The following TLN2 variants were observed in gnomAD, a reference collection of about 807,000 sequenced individuals.
TLN2 encodes the protein talin-2.
A neutral mutation model predicts 294.7 loss-of-function variants in TLN2; 118 were observed. The observed-to-expected ratio is 0.40, with a 90% CI of 0.34 to 0.47. The LOEUF is 0.47. Ranked by LOEUF, TLN2 falls within the 20% of genes least tolerant of loss-of-function variation. TLN2 has a pLI of 0.84. For synonymous variants in TLN2, 1,431 were observed against 1,304.5 expected (o/e 1.10, Z -2.09); for missense variants, 3,083 against 3,282.2 (o/e 0.94, Z 1.48).
chr15:62,443,134 T>G (rs962706524), intron 1 of TLN2, among the ~76,000 whole-genome samples: 2 of 152,226 alleles, frequency 1.3e-5, no homozygotes, highest in African/African-American at 4.8e-5. Flanking sequence ...GCAAAGTTCC[T>G]TTTGCCATGT....
At chr15:62,744,446 G>GTTT (rs2061503868) in intron 32 of TLN2, among the ~76,000 whole-genome samples, 1 of 130,764 alleles carries the variant, frequency 7.6e-6, no homozygotes. Context: ...CAGTCTTGCT[G>GTTT]TGTTGCTCAG....
intron 2 of TLN2, among the ~76,000 whole-genome samples, chr15:62,597,404 C>G (rs2046623599): frequency 6.6e-6 from 1 of 152,168 alleles, no homozygotes; most frequent in Non-Finnish European, 1.5e-5. Context: ...AAGTCCTCAC[C>G]CTTTTGCCCC....
At chr15:62,678,023 T>C (rs1440920506) in intron 11 of TLN2, among the ~76,000 whole-genome samples, 3 of 151,872 alleles carry the variant, frequency 2.0e-5, no homozygotes, top group Non-Finnish European at 2.9e-5. Flanking sequence ...TCGAACTCCC[T>C]ACCTCAGGTC....
chr15:62,587,034 T>G (rs1257139713), intron 1 of TLN2, among the ~76,000 whole-genome samples: 1 of 152,220 alleles, frequency 6.6e-6, no homozygotes, highest in African/African-American at 2.4e-5. Flanking sequence ...ACACACTCAC[T>G]CTAGCCAGCA....
chr15:62,461,467 A>G (rs1298738080), intron 1 of TLN2, among the ~76,000 whole-genome samples: 1 of 152,212 alleles, frequency 6.6e-6, no homozygotes, highest in Non-Finnish European at 1.5e-5. Flanking sequence ...GCTGTGATGT[A>G]TAGAGCAATA....
chr15:62,560,577 T>A (rs12592908), intron 1 of TLN2, among the ~76,000 whole-genome samples: 36,213 of 152,200 alleles, frequency 0.24, 4,675 homozygotes, highest in East Asian at 0.54. Context: ...TCCGCGCGCC[T>A]GGCCTCCCAA....
At chr15:62,745,909 TC>T (rs1411736133) in intron 32 of TLN2, among the ~76,000 whole-genome samples, 2 of 152,352 alleles carry the variant, frequency 1.3e-5, no homozygotes, top group African/African-American at 4.8e-5. Flanking sequence ...TAGTTCTGGA[TC>T]AGTATTACCC....
In TLN2 at chr15:62,820,608, A is replaced by G; in HGVS notation, c.7000A>G (p.Lys2334Glu). 1 of 1,612,678 alleles carries G rather than the reference A, an allele frequency of 6.2e-7. No individual in the cohort carries two copies. Among genetic ancestry groups the G allele is most frequent in the Non-Finnish European group, 8.5e-7 (1 of 1,179,214 alleles). ...LEQLKPRAKP[K>E]QADETLDFEE... ...GCAACTGAAGCCAAGAGCAAAACCA[A>G]AAGTAAGTGTTCATTTATGGTTGGC... Residue 2334 changes from lysine to glutamate, a missense_variant and splice_region_variant, in exon 54 of 59, where the codon AAA becomes GAA. Lys to Glu is a moderately conservative substitution (Grantham distance 56). Transcript: ENST00000636159.
intron 3 of TLN2, among the ~76,000 whole-genome samples, chr15:62,641,637 A>T (rs1166368065): frequency 1.5e-5 from 2 of 132,394 alleles, no homozygotes; most frequent in Non-Finnish European, 3.3e-5. Context: ...TAAAAATAAA[A>T]AAAAAATAAT....
intron 38 of TLN2, 138 bp downstream of exon 38, chr15:62,761,959 TG>T (rs1281921148): frequency 5.9e-6 from 7 of 1,191,256 alleles, no homozygotes; most frequent in Non-Finnish European, 8.5e-6. Context: ...TGATGGCATG[TG>T]CACAGTTAGT....
chr15:62,709,468 A>G (rs996933795), intron 21 of TLN2, among the ~76,000 whole-genome samples: 3 of 152,178 alleles, frequency 2.0e-5, no homozygotes, highest in Non-Finnish European at 4.4e-5. Flanking sequence ...TAGTTTGCAT[A>G]TCAAAGACAC....
chr15:62,655,972 C>T lies in TLN2; in HGVS notation c.546C>T (p.Phe182=). ...DLNWLDHSRT[F]REQGVDENET... ...ATTGGCTGGATCACAGCCGAACATT[C>T]AGAGAACAAGGAGTAGATGAAAACG... The change falls in exon 8 of 59, where the codon TTC becomes TTT. Residue 182 remains phenylalanine (F), a synonymous_variant. Coordinates refer to ENST00000636159, the MANE Select transcript of TLN2 (RefSeq NM_015059.3). 2 of 1,614,172 alleles carry T rather than the reference C, an allele frequency of 1.2e-6. No individual in the cohort carries two copies. Among genetic ancestry groups the T allele is most frequent in the Non-Finnish European group, 8.5e-7 (1 of 1,180,024 alleles).
At chr15:62,505,297 T>C (rs2039555150) in intron 1 of TLN2, among the ~76,000 whole-genome samples, 1 of 152,186 alleles carries the variant, frequency 6.6e-6, no homozygotes, top group South Asian at 2.1e-4. Context: ...GGATAATTTT[T>C]GGTTCTCCCA....
At chr15:62,524,323 A>G (rs1457708174) in intron 1 of TLN2, among the ~76,000 whole-genome samples, 3 of 152,204 alleles carry the variant, frequency 2.0e-5, no homozygotes, top group Non-Finnish European at 2.9e-5. Flanking sequence ...GGCAGATTTT[A>G]TACTCTGAGT....
Position 62,833,569 on chromosome 15 carries a change from C to T in TLN2, c.7068C>T (p.Ala2356=). ...AAGCTGCTAAATCCATTGCTGCTGC[C>T]ACAAGCGCCCTGGTCAAATCGGCCT... The part of the protein sequence containing the change: ...ILEAAKSIAA[A]TSALVKSASA... Residue 2356 remains alanine, a synonymous_variant, in exon 55 of 59, where the codon GCC becomes GCT. Transcript: ENST00000636159. 1 of 1,614,176 alleles carries T rather than the reference C, an allele frequency of 6.2e-7. No individual in the cohort carries two copies. Among genetic ancestry groups the T allele is most frequent in the South Asian group, 1.1e-5 (1 of 91,076 alleles).
intron 1 of TLN2, among the ~76,000 whole-genome samples, chr15:62,588,667 T>TATAC (rs1274382267): frequency 0.013 from 252 of 20,096 alleles, 2 homozygotes; most frequent in Admixed American, 0.027. Flanking sequence ...ATTTTTTTCA[T>TATAC]ATATATATAT....
At chr15:62,631,687 G>GTCTT (rs1172376393) in intron 3 of TLN2, among the ~76,000 whole-genome samples, 1 of 116,024 alleles carries the variant, frequency 8.6e-6, no homozygotes, top group South Asian at 2.8e-4. Context: ...CTCTCTTTCT[G>GTCTT]TCTTTCTTTC....
At chr15:62,645,126 C>G (rs2051674000) in intron 3 of TLN2, 1 of 154,156 alleles carries the variant, frequency 6.5e-6, no homozygotes, top group Non-Finnish European at 1.4e-5. Context: ...GCAAATTAGT[C>G]CATTTATCTC....
At chr15:62,659,514 A>G (rs1052019914) in intron 9 of TLN2, among the ~76,000 whole-genome samples, 1 of 152,206 alleles carries the variant, frequency 6.6e-6, no homozygotes, top group Non-Finnish European at 1.5e-5. Flanking sequence ...ACATCAAAGC[A>G]TTGGTATTGG....
Sources: gnomAD v4.1 joint callset for allele counts (sites outside exome capture counted in the v4.1 genomes callset) on GRCh38, gnomAD v4.1.1 for gene constraint, MANE v1.5 for transcripts, NCBI Gene and HGNC (gene_info 2026-07-23, HGNC 2026-07-21) for gene names.